Variants in POLG observed in about 807,000 individuals in gnomAD.
POLG encodes DNA polymerase subunit gamma-1.
A neutral mutation model predicts 155.4 loss-of-function variants in POLG; 110 were observed. The ratio of observed to expected loss-of-function variants is 0.71; its 90% CI spans 0.61 to 0.83. The LOEUF is 0.83. Among genes scored for constraint, POLG ranks in the 40% least tolerant of loss-of-function variants. POLG has a pLI of 0.00. For synonymous variants in POLG, 701 were observed against 631.5 expected, an observed-to-expected ratio of 1.11 and a Z score of -1.65; for missense variants, 1,685 against 1,627.5, an observed-to-expected ratio of 1.04 and a Z score of -0.61.
Position 89,327,400 on chromosome 15 carries a change from T to G in POLG, c.1251-51A>C, listed in dbSNP as rs764912626. The G allele has an allele frequency of 3.2e-6, 5 of 1,559,560 alleles. No individual in the cohort carries two copies. The African/African-American group carries it at 5.4e-5, about 17-fold the overall frequency. On this transcript the variant is annotated intron_variant, in intron 6 of 22. Transcript: ENST00000268124. ...CATAAATGACCACAGGAGGCAAGAC[T>G]GGCCCAATCCCTGAGCTGGTTTAGC...
rs2055533288 is a variant in POLG at position 89,327,149 on chromosome 15, C to T, written c.1433+18G>A. The T allele has an allele frequency of 6.2e-7, 1 of 1,614,226 alleles. No individual in the cohort carries two copies. Among genetic ancestry groups the T allele is most frequent in the Non-Finnish European group, 8.5e-7 (1 of 1,180,024 alleles). On this transcript the variant is annotated intron_variant, in intron 7 of 22. Coordinates refer to ENST00000268124, the MANE Select transcript of POLG (RefSeq NM_002693.3). ...GCCAGTCCCCTGCCTAGATCCTGCC[C>T]ACCCAAGGCCTGGCTACCTCTCTCC...
intron 2 of POLG, among the ~76,000 whole-genome samples, chr15:89,332,656 C>G (rs1259469476): frequency 6.6e-6 from 1 of 151,856 alleles, no homozygotes; most frequent in Non-Finnish European, 1.5e-5. Flanking sequence ...GCTGGGGATG[C>G]TAAATGTCCT....
In POLG at chr15:89,322,887, T is replaced by G; in HGVS notation, c.2281A>C (p.Asn761His). Residue 761 changes from asparagine to histidine, a missense_variant, in exon 14 of 23, where the codon AAT becomes CAT. Around this residue, in one of 3 missense-constraint regions of POLG, gnomAD observed 1,210 missense variants for 1,167.1 expected, o/e 1.04. Transcript: ENST00000268124. ...TCCTTGGCAAAGGGGCTTCCCACAT[T>G]ACAGCTATTACCATCCTGGACAGAG... is the stretch of plus-strand genomic sequence containing the variant. ...KLPHKDGNSC[N>H]VGSPFAKDFL... 6.2e-7 allele frequency: 1 copy of G among 1,612,958 alleles called. No homozygotes were observed. The highest frequency in any genetic ancestry group is 8.5e-7 in the Non-Finnish European group (1 of 1,179,832).
rs1567189919 is a variant in POLG at position 89,325,235 on chromosome 15, AGAGTGAGTGAGTGAGAGAGAGAGT to A, written c.1949+191_1949+214del. 1.3e-3 allele frequency among the ~76,000 whole-genome samples: 96 copies of A among 76,478 alleles called. 27 individuals carry two copies. Among genetic ancestry groups the A allele is most frequent in the African/African-American group, 7.8e-3 (61 of 7,778 alleles). The allele number at this position is 76,478 out of a possible 152,430, so 50.2% of individuals were successfully genotyped here. ...GTGAGTGAGTGAGAGAGTGAGTGAG[AGAGTGAGTGAGTGAGAGAGAGAGT>A]GAGTGAGTGAGTGAGAGAGAGAGAA... is the stretch of plus-strand genomic sequence containing the variant. On this transcript the variant is annotated intron_variant, in intron 10 of 22. Coordinates refer to ENST00000268124, the MANE Select transcript of POLG (RefSeq NM_002693.3).
rs2055605301 is a variant in POLG, at chr15:89,332,425, G to GA, written c.659+670dup. ...AGAAACAGTACTGCCATCATTGTTTGAAAAAGAAACTTGGGTAGCACTTAG... is the reference window on the plus strand; with the variant it reads ...AGAAACAGTACTGCCATCATTGTTTGAAAAAAGAAACTTGGGTAGCACTTAG... On this transcript the variant is annotated intron_variant, in intron 2 of 22. Transcript: ENST00000268124. The GA allele has an allele frequency of 6.6e-5, 10 of 152,204 alleles. 1 individual carries two copies. The highest frequency in any genetic ancestry group is 6.5e-4 in the Admixed American group (10 of 15,286). The allele number at this position is 152,204 out of a possible 1,614,324, so 9.4% of individuals were successfully genotyped here.
chr15:89,323,887 A>C lies in POLG; in HGVS notation c.2085T>G (p.Asp695Glu), dbSNP rs776848222. 3.1e-5 allele frequency: 50 copies of C among 1,613,624 alleles called. No homozygotes were observed. The Middle Eastern group carries it at 9.9e-4, about 32-fold the overall frequency. The stretch of plus-strand genomic sequence containing the variant: ...TGGCCTCAGCCTCCACTTCTAAGTA[A>C]TCCAGTTCTTCTACCTGGAGCAGTC... ...SAIWQTVEEL[D>E]YLEVEAEAKM... is the part of the protein sequence containing the mutation. Residue 695 changes from aspartate to glutamate, a missense_variant, in exon 12 of 23, where the codon GAT becomes GAG. Asp to Glu is a conservative substitution (Grantham distance 45). This residue lies in a region of POLG where 1,210 missense variants were observed against 1,167.1 expected (regional missense o/e 1.04). Transcript: ENST00000268124.
rs1426750472 is a variant in POLG at position 89,319,246 on chromosome 15, T to C, written c.3086A>G (p.Gln1029Arg). The C allele has an allele frequency of 6.2e-7, 1 of 1,614,216 alleles. No individual in the cohort carries two copies. Among genetic ancestry groups the C allele is most frequent in the Non-Finnish European group, 8.5e-7 (1 of 1,180,040 alleles). The change falls in exon 19 of 23, where the codon CAG becomes CGG. Residue 1029 changes from glutamine to arginine, a missense_variant. Around this residue, in one of 3 missense-constraint regions of POLG, gnomAD observed 470 missense variants for 439.9 expected, o/e 1.07. Coordinates refer to ENST00000268124, the MANE Select transcript of POLG (RefSeq NM_002693.3). ...WISLQDLRKV[Q>R]RETARKSQWK... The stretch of plus-strand genomic sequence containing the variant: ...TTCTTACTTCCTTGCAGTTTCTCTC[T>C]GGACCTTGCGCAGATCCTGCAGGGA...
chr15:89,322,926 G>T, intron 13 of POLG, 24 bp from the exon 14 acceptor site: 1 of 1,609,090 alleles, frequency 6.2e-7, no homozygotes, highest in Non-Finnish European at 8.5e-7. Flanking sequence ...AGGAAGCAGG[G>T]GCTGGAGGCA....
At position 89,317,019 on chromosome 15, in the gene POLG, A is replaced by G. The variant is rs540371794; in HGVS notation, c.3644-192T>C. 2.1e-4 allele frequency: 129 copies of G among 609,666 alleles called. No individual in the cohort carries two copies. Among genetic ancestry groups the G allele is most frequent in the Non-Finnish European group, 3.5e-4 (120 of 345,298 alleles). 37.8% of individuals were successfully genotyped at this position (609,666 alleles called of 1,614,324 possible). ...ATAAGTGTGTCTTAGATATATTTTA[A>G]ATAGAAAATAAGCTTTCTGATTTAC... On this transcript the variant is annotated intron_variant, in intron 22 of 22. Coordinates refer to ENST00000268124, the MANE Select transcript of POLG (RefSeq NM_002693.3).
chr15:89,318,971 C>G lies in POLG; in HGVS notation c.3233G>C (p.Cys1078Ser), dbSNP rs758261459. ...DIPRTPVLGC[C>S]ISRALEPSAV... ...CGAGGGCTCCAGGGCTCGGCTGATG[C>G]AGCAGCCCAGCACCGGGGTACGTGG... is the stretch of plus-strand genomic sequence containing the variant. The change falls in exon 20 of 23, where the codon TGC becomes TCC. Residue 1078 changes from cysteine to serine, a missense_variant. By Grantham distance (112) the Cys-to-Ser change is moderately radical. Around this residue, in one of 3 missense-constraint regions of POLG, gnomAD observed 470 missense variants for 439.9 expected, o/e 1.07. Coordinates refer to ENST00000268124, the MANE Select transcript of POLG (RefSeq NM_002693.3). 6.2e-7 allele frequency: 1 copy of G among 1,614,052 alleles called. No individual in the cohort carries two copies. Among genetic ancestry groups the G allele is most frequent in the African/African-American group, 1.3e-5 (1 of 74,908 alleles).
At chr15:89,323,943 G>T in intron 11 of POLG, 42 bp from the exon 12 acceptor site, 1 of 1,543,856 alleles carries the variant, frequency 6.5e-7, no homozygotes, top group Non-Finnish European at 9.0e-7. Flanking sequence ...CAGGGGACTG[G>T]GTAGGCCCCA....
Position 89,323,393 on chromosome 15 carries a change from C to T in POLG, c.2265+11G>A, listed in dbSNP as rs2055426171. ...GAAACACCACAGGACAGGCCATGAC[C>T]CAGGACACACCTTGTGAGGCAGCTT... On this transcript the variant is annotated intron_variant, in intron 13 of 22. Coordinates refer to ENST00000268124, the MANE Select transcript of POLG (RefSeq NM_002693.3). 1.3e-6 allele frequency: 2 copies of T among 1,575,566 alleles called. No individual in the cohort carries two copies. Among genetic ancestry groups the T allele is most frequent in the African/African-American group, 1.3e-5 (1 of 74,186 alleles).
At chr15:89,334,167 G>A (rs986363379) in intron 1 of POLG, among the ~76,000 whole-genome samples, 5 of 152,208 alleles carry the variant, frequency 3.3e-5, no homozygotes, top group African/African-American at 1.2e-4. Flanking sequence ...GGAGTAGGGC[G>A]ACGCGGTTTT....
rs527437716 is a variant in POLG at position 89,332,762 on chromosome 15, A to G, written c.659+334T>C. On this transcript the variant is annotated intron_variant, in intron 2 of 22. Coordinates refer to ENST00000268124, the MANE Select transcript of POLG (RefSeq NM_002693.3). ...AAACACTGTTCAAATGACTTTTCAG[A>G]CTAACTTCTCATGACGCTATTAGGA... is the stretch of plus-strand genomic sequence containing the variant. Among the ~76,000 whole-genome samples, 8 of 152,296 alleles carry G rather than the reference A, an allele frequency of 5.3e-5. No homozygotes were observed. In the South Asian group the frequency reaches 1.0e-3, roughly 20 times the overall value.
Position 89,328,956 on chromosome 15 carries a change from C to T in POLG, c.1010G>A (p.Arg337Lys), listed in dbSNP as rs2055559485. 2 of 1,614,100 alleles carry T rather than the reference C, an allele frequency of 1.2e-6. No individual in the cohort carries two copies. The highest frequency in any genetic ancestry group is 1.7e-6 in the Non-Finnish European group (2 of 1,180,054). Residue 337 changes from arginine (R) to lysine (K), a missense_variant, in exon 4 of 23, where the codon AGA becomes AAA. Around this residue, in one of 3 missense-constraint regions of POLG, gnomAD observed 1,210 missense variants for 1,167.1 expected, o/e 1.04. Coordinates refer to ENST00000268124, the MANE Select transcript of POLG (RefSeq NM_002693.3). Reference protein sequence around the residue: ...KQGQKSQRKARRGPAISSWDW... With the variant: ...KQGQKSQRKAKRGPAISSWDW... Reference sequence around the variant, plus strand: ...GTGTGCTCTCACCGCTGGGCCTCTTCTGGCTTTCCTCTGGGACTTCTGGCC... The same window carrying T: ...GTGTGCTCTCACCGCTGGGCCTCTTTTGGCTTTCCTCTGGGACTTCTGGCC...
intron 2 of POLG, among the ~76,000 whole-genome samples, chr15:89,331,261 A>G (rs1463450174): frequency 2.0e-5 from 3 of 152,204 alleles, no homozygotes; most frequent in Non-Finnish European, 4.4e-5. Flanking sequence ...TCATACTCCA[A>G]ATGGTGAAAA....
chr15:89,324,145 C>T lies in POLG; in HGVS notation c.2032G>A (p.Glu678Lys). 2 of 1,614,092 alleles carry T rather than the reference C, an allele frequency of 1.2e-6. No individual in the cohort carries two copies. Among genetic ancestry groups the T allele is most frequent in the South Asian group, 1.1e-5 (1 of 91,084 alleles). The change falls in exon 11 of 23, where the codon GAG (glutamate) becomes AAG (lysine). Residue 678 changes from glutamate to lysine, a missense_variant. Around this residue, in one of 3 missense-constraint regions of POLG, gnomAD observed 1,210 missense variants for 1,167.1 expected, o/e 1.04. Transcript: ENST00000268124. ...LMPQEAGLAE[E>K]FLLTDNSAIW... ...GCACTATTGTCAGTGAGCAGGAACT[C>T]CTCCGCCAGGCCGGCCTCCTGGGGC...
chr15:89,334,159 AG>A, intron 1 of POLG: 1 of 314,328 alleles, frequency 3.2e-6, no homozygotes, highest in South Asian at 3.0e-5. Flanking sequence ...CAGTATCTGG[AG>A]TAGGGCGACG....
Position 89,333,674 on chromosome 15 carries a change from G to A in POLG, c.81C>T (p.Ser27=). 6.4e-7 allele frequency: 1 copy of A among 1,555,010 alleles called. No homozygotes were observed. ...TGGGGTCGGACGCGGGGACGGAGCT[G>A]GAGACCCAGCGCCCCGGAGCTGGAA... is the stretch of plus-strand genomic sequence containing the variant. ...GPVPAPGRWV[S]SSVPASDPSD... is the part of the protein sequence containing the mutation. The change falls in exon 2 of 23, where the codon TCC becomes TCT. Residue 27 remains serine, a synonymous_variant. Transcript: ENST00000268124.
Sources: gnomAD v4.1 joint callset for allele counts (sites outside exome capture counted in the v4.1 genomes callset) on GRCh38, gnomAD v4.1.1 for gene constraint, gnomAD v4.1.1 regional missense constraint, MANE v1.5 for transcripts, NCBI Gene and HGNC (gene_info 2026-07-23, HGNC 2026-07-21) for gene names.